The following PRKCE variants were observed in gnomAD, a reference collection of about 807,000 sequenced individuals.
PRKCE encodes the protein protein kinase C epsilon type.
PRKCE carries 16 observed loss-of-function variants against 85.4 expected under a neutral mutation model. That is an observed-to-expected ratio of 0.19 (90% confidence interval 0.13 to 0.28). The LOEUF (loss-of-function observed/expected upper bound fraction) is 0.28, where lower values mean the gene tolerates loss of function less well. Ranked by LOEUF, PRKCE falls within the 10% of genes least tolerant of loss-of-function variation. The pLI, the probability that PRKCE is intolerant of heterozygous loss-of-function variation, is 1.00. For synonymous variants in PRKCE, 388 were observed against 371.5 expected (o/e 1.04, Z -0.51); for missense variants, 573 against 975.2 (o/e 0.59, Z 5.49).
Position 46,007,464 on chromosome 2 carries a change from A to G in PRKCE, c.1066A>G (p.Ile356Val). Reference sequence around the variant, plus strand: ...TTTCTTGTTCCCCTTGGCCCTAGAAATAAAAGAACTTGAGAACAACATTCG... The same window carrying G: ...TTTCTTGTTCCCCTTGGCCCTAGAAGTAAAAGAACTTGAGAACAACATTCG... ...SAPTSPCDQE[I>V]KELENNIRKA... The change falls in exon 9 of 15, where the codon ATA becomes GTA. Residue 356 changes from isoleucine (I) to valine (V), a missense_variant and splice_region_variant. Around this residue, in one of 11 missense-constraint regions of PRKCE, gnomAD observed 117 missense variants for 104.8 expected, o/e 1.12. Transcript: ENST00000306156. The G allele has an allele frequency of 1.9e-6, 3 of 1,599,812 alleles. No individual in the cohort carries two copies. Among genetic ancestry groups the G allele is most frequent in the Non-Finnish European group, 2.5e-6 (3 of 1,179,972 alleles).
intron 2 of PRKCE, among the ~76,000 whole-genome samples, chr2:45,943,010 A>G (rs902162673): frequency 2.0e-5 from 3 of 152,204 alleles, no homozygotes; most frequent in African/African-American, 7.2e-5. Flanking sequence ...GCACAAATAC[A>G]TGTGATCATA....
chr2:45,679,994 A>G (rs667747), intron 1 of PRKCE, among the ~76,000 whole-genome samples: 147,754 of 152,356 alleles, frequency 0.97, 71,666 homozygotes, highest in East Asian at 1. Flanking sequence ...GATTTAGCAC[A>G]TTTCTGTATT....
rs555377449 is a variant in PRKCE at position 45,826,435 on chromosome 2, C to T, written c.349-16565C>T. ...TAGAATAAACATAGACAGCAAATAG[C>T]CTTATGTCATTTTGGGTTAGGTTTT... On this transcript the variant is annotated intron_variant, in intron 1 of 14. Transcript: ENST00000306156. Among the ~76,000 whole-genome samples the T allele has an allele frequency of 2.0e-5, 3 of 152,220 alleles. No individual in the cohort carries two copies. The East Asian group carries it at 5.8e-4, about 29-fold the overall frequency.
At chr2:46,006,365 C>T (rs1558949617) in intron 8 of PRKCE, among the ~76,000 whole-genome samples, 1 of 152,196 alleles carries the variant, frequency 6.6e-6, no homozygotes, top group Non-Finnish European at 1.5e-5. Flanking sequence ...GCTGAACTGG[C>T]AAGGGGAGTG....
At chr2:46,052,906 G>T (rs899193799) in intron 10 of PRKCE, among the ~76,000 whole-genome samples, 5 of 152,188 alleles carry the variant, frequency 3.3e-5, no homozygotes, top group Non-Finnish European at 7.3e-5. Context: ...AATGGGAAAA[G>T]GATGGTTTTC....
chr2:45,990,830 T>G (rs1703734798), intron 6 of PRKCE, among the ~76,000 whole-genome samples: 1 of 151,558 alleles, frequency 6.6e-6, no homozygotes. Flanking sequence ...CTAGGCTAAT[T>G]TTTGTATTTT....
intron 14 of PRKCE, chr2:46,166,735 A>C (rs970514942): frequency 6.6e-6 from 1 of 152,238 alleles, no homozygotes. Context: ...TCATACCTAT[A>C]ATTCCAGCAC....
intron 5 of PRKCE, among the ~76,000 whole-genome samples, chr2:45,983,275 C>T (rs866519512): frequency 1.3e-5 from 2 of 152,152 alleles, no homozygotes; most frequent in African/African-American, 4.8e-5. Context: ...TCATTTCACC[C>T]CTCATTAGTC....
intron 10 of PRKCE, among the ~76,000 whole-genome samples, chr2:46,059,032 A>T (rs1246343402): frequency 6.6e-6 from 1 of 152,238 alleles, no homozygotes; most frequent in East Asian, 1.9e-4. Flanking sequence ...ATAAAAGATC[A>T]TTCAGGCTGG....
Position 46,041,702 on chromosome 2 carries a change from A to G in PRKCE, c.1437+31185A>G, listed in dbSNP as rs973620065. Among the ~76,000 whole-genome samples the G allele has an allele frequency of 6.6e-6, 1 of 152,148 alleles. No individual in the cohort carries two copies. Among genetic ancestry groups the G allele is most frequent in the African/African-American group, 2.4e-5 (1 of 41,414 alleles). ...AGTACTGAAGTGTTTCCTTGTGAAT[A>G]CCTCTCCATATGCGTCATGACAAAA... On this transcript the variant is annotated intron_variant, in intron 10 of 14. Coordinates refer to ENST00000306156, the MANE Select transcript of PRKCE (RefSeq NM_005400.3). The surrounding 1 kb of genome is among the most constrained non-coding windows in gnomAD (Gnocchi z 5.5).
intron 2 of PRKCE, among the ~76,000 whole-genome samples, chr2:45,903,846 G>C (rs1696750087): frequency 6.6e-6 from 1 of 151,288 alleles, no homozygotes; most frequent in African/African-American, 2.4e-5. Flanking sequence ...CCCTCAGTTT[G>C]GGAGCATTTG....
At chr2:45,938,879 C>A (rs1284710297) in intron 2 of PRKCE, among the ~76,000 whole-genome samples, 3 of 152,194 alleles carry the variant, frequency 2.0e-5, no homozygotes, top group African/African-American at 4.8e-5. Flanking sequence ...TGGGTGTTCT[C>A]ACCCAGTTAC....
chr2:45,696,413 T>G lies in PRKCE; in HGVS notation c.348+43965T>G, dbSNP rs538475572. Among the ~76,000 whole-genome samples, 106 of 152,170 alleles carry G rather than the reference T, an allele frequency of 7.0e-4. 2 individuals are homozygous for G. The highest frequency in any genetic ancestry group is 2.4e-3 in the African/African-American group (101 of 41,506). ...CAAAAGAGCCACCTTGTTTTACAGG[T>G]CCCTGGGGCATTTGGCAGGAGGCAG... On this transcript the variant is annotated intron_variant, in intron 1 of 14. Transcript: ENST00000306156.
At chr2:45,755,336 C>T (rs763371368) in intron 1 of PRKCE, among the ~76,000 whole-genome samples, 7 of 152,092 alleles carry the variant, frequency 4.6e-5, no homozygotes, top group Non-Finnish European at 1.0e-4. Flanking sequence ...ATTTTTGCAG[C>T]CCAGATAAGG....
intron 1 of PRKCE, among the ~76,000 whole-genome samples, chr2:45,682,234 A>G (rs1676960438): frequency 6.6e-6 from 1 of 152,162 alleles, no homozygotes; most frequent in Non-Finnish European, 1.5e-5. Context: ...TTCAGATAAC[A>G]TGATTTCTAA....
chr2:46,182,692 G>T (rs915735002), intron 14 of PRKCE, among the ~76,000 whole-genome samples: 2 of 152,190 alleles, frequency 1.3e-5, no homozygotes, highest in African/African-American at 4.8e-5. Flanking sequence ...CGTGCTGTTT[G>T]TGATTTTGAT....
At chr2:46,112,435 A>T (rs911701255) in intron 11 of PRKCE, among the ~76,000 whole-genome samples, 4 of 151,422 alleles carry the variant, frequency 2.6e-5, no homozygotes, top group African/African-American at 9.7e-5. Flanking sequence ...ATTTAAAGTG[A>T]TTATTGATAT....
intron 1 of PRKCE, among the ~76,000 whole-genome samples, chr2:45,751,127 T>C (rs1573198945): frequency 6.6e-6 from 1 of 152,244 alleles, no homozygotes; most frequent in Non-Finnish European, 1.5e-5. Flanking sequence ...GCTTATACTC[T>C]TCCCTCTTTT....
At chr2:45,931,580 G>C (rs1357133746) in intron 2 of PRKCE, among the ~76,000 whole-genome samples, 1 of 152,186 alleles carries the variant, frequency 6.6e-6, no homozygotes, top group Non-Finnish European at 1.5e-5. Context: ...TCCCACCACT[G>C]CTGGTGTTCC....
Sources: allele counts gnomAD v4.1 joint callset (sites outside exome capture counted in the v4.1 genomes callset), GRCh38; gene constraint gnomAD v4.1.1; regional missense constraint gnomAD v4.1.1; non-coding constraint Gnocchi (gnomAD v3.1); transcripts MANE v1.5; gene names NCBI Gene and HGNC (gene_info 2026-07-23, HGNC 2026-07-21).